The following UBE2G1 variants were observed in gnomAD, a reference collection of about 807,000 sequenced individuals.
The protein encoded by UBE2G1 is ubiquitin conjugating enzyme E2 G1.
In UBE2G1, 5 loss-of-function variants were observed where a neutral mutation model predicts 22.7. The ratio of observed to expected loss-of-function variants is 0.22; its 90% CI spans 0.12 to 0.46. UBE2G1 has a LOEUF of 0.46. UBE2G1 is among the 20% of genes least tolerant of loss of function. The pLI is 0.99. For missense variants in UBE2G1, 88 were observed against 203.9 expected (o/e 0.43, Z 3.46); for synonymous variants, 74 against 67.5 (o/e 1.10, Z -0.47).
At chr17:4,288,998 C>T (rs745828916) in intron 4 of UBE2G1, among the ~76,000 whole-genome samples, 9 of 151,810 alleles carry the variant, frequency 5.9e-5, no homozygotes, top group Non-Finnish European at 1.3e-4. Flanking sequence ...TATGATTGTG[C>T]CACTGCACTC....
At chr17:4,297,456 C>T (rs112704304) in intron 2 of UBE2G1, among the ~76,000 whole-genome samples, 1 of 152,030 alleles carries the variant, frequency 6.6e-6, no homozygotes, top group South Asian at 2.1e-4. Context: ...AATGTAGCCA[C>T]CAACCACTTG....
chr17:4,348,618 C>T (rs1378373472), intron 1 of UBE2G1, among the ~76,000 whole-genome samples: 1 of 150,264 alleles, frequency 6.7e-6, no homozygotes, highest in Non-Finnish European at 1.5e-5. Context: ...AATCCCAGCA[C>T]TTTGGGAGGC....
In UBE2G1 at chr17:4,326,982, C is replaced by T. The variant is rs181151749; in HGVS notation, c.47-19859G>A. 6.6e-5 allele frequency among the ~76,000 whole-genome samples: 10 copies of T among 152,234 alleles called. No homozygotes were observed. The East Asian group carries it at 1.2e-3, about 18-fold the overall frequency. On this transcript the variant is annotated intron_variant, in intron 1 of 5. Coordinates refer to ENST00000396981, the MANE Select transcript of UBE2G1 (RefSeq NM_003342.5). ...TTTGAAACCAGCCAGGCCAACATGG[C>T]AAAACCACGTCTCTACTAAAATACA...
intron 1 of UBE2G1, among the ~76,000 whole-genome samples, chr17:4,345,215 G>C (rs1227010951): frequency 6.6e-6 from 1 of 152,136 alleles, no homozygotes; most frequent in East Asian, 1.9e-4. Context: ...TTTAGATTCA[G>C]GGGGTTATTA....
intron 5 of UBE2G1, among the ~76,000 whole-genome samples, chr17:4,278,389 G>A (rs1399084489): frequency 6.6e-6 from 1 of 152,032 alleles, no homozygotes; most frequent in East Asian, 1.9e-4. Flanking sequence ...AAATTGTCTT[G>A]GGCCACACAA....
intron 2 of UBE2G1, among the ~76,000 whole-genome samples, chr17:4,306,375 T>G (rs1598187891): frequency 6.6e-6 from 1 of 151,686 alleles, no homozygotes; most frequent in South Asian, 2.1e-4. Flanking sequence ...TTAGTAGAGA[T>G]GGGGTTTCAC....
At chr17:4,327,632 G>C (rs967297464) in intron 1 of UBE2G1, among the ~76,000 whole-genome samples, 2 of 152,120 alleles carry the variant, frequency 1.3e-5, no homozygotes, top group African/African-American at 4.8e-5. Flanking sequence ...AGTGAGAAGG[G>C]GGAAGAGTAG....
At chr17:4,319,376 C>T (rs1040674167) in intron 1 of UBE2G1, among the ~76,000 whole-genome samples, 1 of 152,146 alleles carries the variant, frequency 6.6e-6, no homozygotes, top group Non-Finnish European at 1.5e-5. Flanking sequence ...CTCCACAATA[C>T]TCATTGTAGG....
At chr17:4,346,948 T>C (rs1434608876) in intron 1 of UBE2G1, among the ~76,000 whole-genome samples, 3 of 150,640 alleles carry the variant, frequency 2.0e-5, no homozygotes, top group Non-Finnish European at 4.4e-5. Context: ...AGGTCAGGAG[T>C]TGGAGACCAA....
At chr17:4,359,582 C>A (rs949810334) in intron 1 of UBE2G1, among the ~76,000 whole-genome samples, 2 of 152,174 alleles carry the variant, frequency 1.3e-5, no homozygotes, top group Admixed American at 1.3e-4. Flanking sequence ...ATAAAAACTT[C>A]TGATTAGACC....
chr17:4,312,645 G>A (rs1240604247), intron 1 of UBE2G1, among the ~76,000 whole-genome samples: 13 of 142,594 alleles, frequency 9.1e-5, no homozygotes, highest in East Asian at 4.1e-4. Flanking sequence ...GCAATGAGCC[G>A]AGATCGCGCC....
At chr17:4,361,459 A>G (rs948560632) in intron 1 of UBE2G1, among the ~76,000 whole-genome samples, 12 of 151,806 alleles carry the variant, frequency 7.9e-5, no homozygotes, top group Admixed American at 7.9e-4. Flanking sequence ...TCCAGGAGGG[A>G]GAGATTGCAG....
chr17:4,280,122 G>A (rs1205108675), intron 5 of UBE2G1, among the ~76,000 whole-genome samples: 4 of 148,682 alleles, frequency 2.7e-5, no homozygotes, highest in Admixed American at 2.0e-4. Flanking sequence ...CGCAGCCTCC[G>A]CCTCCTGGGT....
At chr17:4,304,085 G>A (rs1349813922) in intron 2 of UBE2G1, among the ~76,000 whole-genome samples, 1 of 152,164 alleles carries the variant, frequency 6.6e-6, no homozygotes, top group Non-Finnish European at 1.5e-5. Context: ...GTGCAGTAGC[G>A]TAATCTTGGC....
At chr17:4,314,355 T>C (rs1047729205) in intron 1 of UBE2G1, among the ~76,000 whole-genome samples, 1 of 152,220 alleles carries the variant, frequency 6.6e-6, no homozygotes, top group African/African-American at 2.4e-5. Context: ...TATGGGACAA[T>C]TTGAGTGTCA....
intron 3 of UBE2G1, among the ~76,000 whole-genome samples, chr17:4,293,796 T>TAA (rs753829298): frequency 6.6e-6 from 1 of 152,216 alleles, no homozygotes; most frequent in Non-Finnish European, 1.5e-5. Flanking sequence ...TTACTTCTCC[T>TAA]TTACCATTCA....
At chr17:4,352,230 T>C (rs1969853662) in intron 1 of UBE2G1, among the ~76,000 whole-genome samples, 1 of 151,638 alleles carries the variant, frequency 6.6e-6, no homozygotes, top group Admixed American at 6.5e-5. Flanking sequence ...GTAGATCTAA[T>C]TTAAACATTG....
Position 4,269,959 on chromosome 17 carries a change from TA to T in UBE2G1, c.*2594del, listed in dbSNP as rs771739872. ...GTTTCGTATCAAATGTAGAGGCATT[TA>T]AATTTACATTATCAGATGAACACTG... On this transcript the variant is annotated 3_prime_UTR_variant, in exon 6 of 6. Transcript: ENST00000396981. The T allele has an allele frequency of 6.6e-6, 1 of 152,664 alleles. No individual in the cohort carries two copies. Among genetic ancestry groups the T allele is most frequent in the Non-Finnish European group, 1.5e-5 (1 of 68,046 alleles). The allele number at this position is 152,664 out of a possible 1,614,324, so 9.5% of individuals were successfully genotyped here.
chr17:4,299,375 G>A (rs1969147480), intron 2 of UBE2G1, among the ~76,000 whole-genome samples: 1 of 152,034 alleles, frequency 6.6e-6, no homozygotes, highest in Non-Finnish European at 1.5e-5. Context: ...CTCCAGCGTG[G>A]GTGCCAGAGT....
Sources: allele counts gnomAD v4.1 joint callset (sites outside exome capture counted in the v4.1 genomes callset), GRCh38; gene constraint gnomAD v4.1.1; transcripts MANE v1.5; gene names NCBI Gene and HGNC (gene_info 2026-07-23, HGNC 2026-07-21).